The following CSMD1 variants were observed in gnomAD, a reference collection of about 807,000 sequenced individuals.
The protein encoded by CSMD1 is CUB and sushi domain-containing protein 1.
In CSMD1, 213 loss-of-function variants were observed where a neutral mutation model predicts 417.5. The observed-to-expected ratio is 0.51, with a 90% CI of 0.46 to 0.57. The LOEUF (loss-of-function observed/expected upper bound fraction) is 0.57, where lower values mean the gene tolerates loss of function less well. Among genes scored for constraint, CSMD1 ranks in the 20% least tolerant of loss-of-function variants. CSMD1 has a pLI of 0.00. For synonymous variants in CSMD1, 2,862 were observed against 1,736.8 expected (o/e 1.65, Z -16.11); for missense variants, 6,923 against 4,529.7 (o/e 1.53, Z -15.17).
chr8:4,035,140 A>G (rs972546660), intron 3 of CSMD1, among the ~76,000 whole-genome samples: 1 of 152,002 alleles, frequency 6.6e-6, no homozygotes, highest in Non-Finnish European at 1.5e-5. Context: ...CGACTCATAT[A>G]CAACATCGGT....
chr8:3,562,431 C>G (rs1160997007), intron 10 of CSMD1, among the ~76,000 whole-genome samples: 2 of 119,328 alleles, frequency 1.7e-5, no homozygotes, highest in Non-Finnish European at 3.5e-5. Flanking sequence ...CACATGCACA[C>G]ACACGTGCAC....
At chr8:4,722,428 G>A (rs1450032247) in intron 1 of CSMD1, among the ~76,000 whole-genome samples, 2 of 152,072 alleles carry the variant, frequency 1.3e-5, no homozygotes, top group Non-Finnish European at 2.9e-5. Context: ...GAAAAGTGAT[G>A]CCTTCTAAGT....
intron 15 of CSMD1, among the ~76,000 whole-genome samples, chr8:3,401,749 G>A (rs12545711): frequency 0.52 from 78,777 of 151,842 alleles, 20,846 homozygotes; most frequent in Middle Eastern, 0.61. Context: ...CAGAAGTTGA[G>A]TACAGCATTT....
chr8:3,219,283 GC>G lies in CSMD1; in HGVS notation c.4643del (p.Gly1548AlafsTer23). ...TAAATTCAATGGCGAACCCTGAAAGGCCCACGGAGGCATCACTCCGAAATGC... is the reference window on the plus strand; with the variant it reads ...TAAATTCAATGGCGAACCCTGAAAGGCCACGGAGGCATCACTCCGAAATGC... ...FLAFRSDASV[G>X]LSGFAIEFKE... On this transcript the variant is annotated frameshift_variant, in exon 29 of 70. Coordinates refer to ENST00000635120, the MANE Select transcript of CSMD1 (RefSeq NM_033225.6). LOFTEE classifies it high-confidence loss of function. The G allele has an allele frequency of 1.3e-6, 2 of 1,594,500 alleles. No homozygotes were observed. The highest frequency in any genetic ancestry group is 1.7e-6 in the Non-Finnish European group (2 of 1,169,636).
At position 4,717,454 on chromosome 8, in the gene CSMD1, C is replaced by CTATATA. The variant is rs147060959; in HGVS notation, c.86-79902_86-79897dup. ...CACATACACTATATATATACACACA[C>CTATATA]TATATATATATATATACACACACAC... On this transcript the variant is annotated intron_variant, in intron 1 of 69. Transcript: ENST00000635120. Among the ~76,000 whole-genome samples, 9 of 147,268 alleles carry CTATATA rather than the reference C, an allele frequency of 6.1e-5. No homozygotes were observed. In the East Asian group the frequency reaches 1.8e-3, roughly 29 times the overall value.
chr8:4,209,628 A>T (rs899653592), intron 3 of CSMD1, among the ~76,000 whole-genome samples: 15 of 152,028 alleles, frequency 9.9e-5, no homozygotes, highest in African/African-American at 3.4e-4. Context: ...AAGCCCCCGA[A>T]TTGGGGCTTA....
chr8:3,863,656 A>AACAC (rs527548738), intron 5 of CSMD1, among the ~76,000 whole-genome samples: 1 of 151,808 alleles, frequency 6.6e-6, no homozygotes, highest in Non-Finnish European at 1.5e-5. Context: ...CAAATATTCT[A>AACAC]ACACACACAC....
chr8:2,961,829 G>A (rs1299897298), intron 61 of CSMD1, among the ~76,000 whole-genome samples: 1 of 152,012 alleles, frequency 6.6e-6, no homozygotes, highest in Admixed American at 6.6e-5. Flanking sequence ...AACCTTCTAG[G>A]GGGAAGAAAA....
chr8:4,231,832 C>A (rs942134052), intron 3 of CSMD1, among the ~76,000 whole-genome samples: 1 of 152,184 alleles, frequency 6.6e-6, no homozygotes. Context: ...GAAAAGCACC[C>A]AGAATATCTG....
chr8:3,711,678 G>A (rs1397029666), intron 6 of CSMD1, among the ~76,000 whole-genome samples: 1 of 152,064 alleles, frequency 6.6e-6, no homozygotes, highest in South Asian at 2.1e-4. Context: ...GGTTCTCCTG[G>A]TGGCACACTC....
intron 3 of CSMD1, among the ~76,000 whole-genome samples, chr8:4,275,824 A>G (rs1372594914): frequency 6.6e-6 from 1 of 152,226 alleles, no homozygotes; most frequent in Admixed American, 6.5e-5. Flanking sequence ...ATACTAATGA[A>G]AGTGATATTG....
At chr8:4,085,735 G>C (rs887888152) in intron 3 of CSMD1, among the ~76,000 whole-genome samples, 3 of 152,144 alleles carry the variant, frequency 2.0e-5, no homozygotes, top group Non-Finnish European at 4.4e-5. Flanking sequence ...TGACCTAATA[G>C]TAAAAATGGA....
chr8:3,895,498 A>T (rs1807300096), intron 5 of CSMD1, among the ~76,000 whole-genome samples: 4 of 152,148 alleles, frequency 2.6e-5, no homozygotes, highest in African/African-American at 9.6e-5. Context: ...TAGGCCTATT[A>T]TCAATTTAAG....
chr8:3,831,282 G>A (rs538929482), intron 5 of CSMD1, among the ~76,000 whole-genome samples: 1 of 152,234 alleles, frequency 6.6e-6, no homozygotes, highest in Non-Finnish European at 1.5e-5. Context: ...CTCGTCAGGG[G>A]AGCTGCCCTG....
At chr8:4,336,264 T>C (rs1363488981) in intron 3 of CSMD1, among the ~76,000 whole-genome samples, 2 of 152,144 alleles carry the variant, frequency 1.3e-5, no homozygotes, top group African/African-American at 2.4e-5. Flanking sequence ...CGTCCAAAAA[T>C]AGACAGTATT....
At chr8:4,185,493 A>T (rs1002089350) in intron 3 of CSMD1, among the ~76,000 whole-genome samples, 5 of 152,192 alleles carry the variant, frequency 3.3e-5, no homozygotes, top group Non-Finnish European at 2.9e-5. Context: ...CCATTCAGGG[A>T]ATCCGAAAAC....
intron 2 of CSMD1, among the ~76,000 whole-genome samples, chr8:4,582,019 G>C (rs1235201973): frequency 6.6e-6 from 1 of 152,070 alleles, no homozygotes; most frequent in Non-Finnish European, 1.5e-5. Context: ...ATGATGAAAT[G>C]AAACAGCATC....
intron 50 of CSMD1, among the ~76,000 whole-genome samples, chr8:3,039,087 G>C (rs1391142760): frequency 2.0e-5 from 3 of 152,140 alleles, no homozygotes; most frequent in East Asian, 3.9e-4. Context: ...GGGAGCAAAG[G>C]GTACTTAGAG....
At chr8:4,035,194 C>T (rs371235384) in intron 3 of CSMD1, among the ~76,000 whole-genome samples, 2 of 152,114 alleles carry the variant, frequency 1.3e-5, no homozygotes, top group East Asian at 1.9e-4. Context: ...GTCATGAGGT[C>T]GTAGTGCCAG....
Sources: allele counts gnomAD v4.1 joint callset (sites outside exome capture counted in the v4.1 genomes callset), GRCh38; gene constraint gnomAD v4.1.1; transcripts MANE v1.5; gene names NCBI Gene and HGNC (gene_info 2026-07-23, HGNC 2026-07-21).